Variants in DPY30 observed in about 807,000 individuals in gnomAD.
DPY30 encodes the protein dpy-30 histone methyltransferase complex regulatory subunit.
A neutral mutation model predicts 16.2 loss-of-function variants in DPY30; 6 were observed. The ratio of observed to expected loss-of-function variants is 0.37; its 90% CI spans 0.20 to 0.73. The LOEUF (loss-of-function observed/expected upper bound fraction) is 0.73, where lower values mean the gene tolerates loss of function less well. Ranked by LOEUF, DPY30 falls within the 30% of genes least tolerant of loss-of-function variation. DPY30 has a pLI of 0.51. For missense variants in DPY30, 73 were observed against 113.1 expected (o/e 0.65, Z 1.61); for synonymous variants, 39 against 38.8 (o/e 1.00, Z -0.02).
At chr2:32,029,254 G>C (rs1051503673) in intron 4 of DPY30, among the ~76,000 whole-genome samples, 2 of 152,126 alleles carry the variant, frequency 1.3e-5, no homozygotes, top group Admixed American at 6.6e-5. Context: ...CTGGGCAACA[G>C]AGCTAGATTC....
At chr2:32,012,875 C>G (rs1674993405) in intron 5 of DPY30, among the ~76,000 whole-genome samples, 1 of 152,084 alleles carries the variant, frequency 6.6e-6, no homozygotes, top group Admixed American at 6.5e-5. Context: ...GGAAACTGCC[C>G]TAAGTGTTTA....
At chr2:32,014,705 G>A (rs1045621712) in intron 5 of DPY30, among the ~76,000 whole-genome samples, 2 of 151,634 alleles carry the variant, frequency 1.3e-5, no homozygotes, top group African/African-American at 2.4e-5. Flanking sequence ...GGATGGTTTC[G>A]ATCTCCTGAC....
At chr2:32,018,766 T>C (rs1675109721) in intron 5 of DPY30, among the ~76,000 whole-genome samples, 2 of 152,060 alleles carry the variant, frequency 1.3e-5, no homozygotes, top group Admixed American at 1.3e-4. Context: ...ATGCCTGTAA[T>C]CTCAGCACTT....
intron 4 of DPY30, among the ~76,000 whole-genome samples, chr2:32,026,429 A>G (rs2148658387): frequency 6.6e-6 from 1 of 152,098 alleles, no homozygotes; most frequent in South Asian, 2.1e-4. Context: ...AACAATAAAA[A>G]AAATTTTTTA....
chr2:32,038,135 C>CTTTTT (rs35016868), intron 3 of DPY30, among the ~76,000 whole-genome samples: 13 of 108,040 alleles, frequency 1.2e-4, no homozygotes, highest in South Asian at 3.3e-4. Context: ...CATTTTCTTT[C>CTTTTT]TTTTTTTTTT....
chr2:32,034,445 CTT>C lies in DPY30; in HGVS notation c.85-4711_85-4710del, dbSNP rs780594441. On this transcript the variant is annotated intron_variant, in intron 3 of 4. Coordinates refer to ENST00000342166, the MANE Select transcript of DPY30 (RefSeq NM_001321209.2). ...GAGAGAAAGGAGTAGGTGCCAGACT[CTT>C]TTTAACAATCAGATCTCACGGTAAC... 3.9e-5 allele frequency among the ~76,000 whole-genome samples: 6 copies of C among 152,052 alleles called. 1 individual carries two copies. The highest frequency in any genetic ancestry group is 7.2e-5 in the African/African-American group (3 of 41,414).
At chr2:32,016,943 C>T (rs1349793388) in intron 5 of DPY30, among the ~76,000 whole-genome samples, 1 of 152,014 alleles carries the variant, frequency 6.6e-6, no homozygotes, top group African/African-American at 2.4e-5. Flanking sequence ...AGTGCAATGG[C>T]GCGATCTCGG....
At chr2:32,017,668 A>AT (rs1190034246) in intron 5 of DPY30, among the ~76,000 whole-genome samples, 6 of 151,998 alleles carry the variant, frequency 3.9e-5, no homozygotes, top group Non-Finnish European at 8.8e-5. Flanking sequence ...CTCTTTCTAT[A>AT]TTTGTGTGTA....
At chr2:32,023,885 C>CA (rs1675240135), downstream of DPY30, 1 of 1,320,762 alleles carries the variant, frequency 7.6e-7, no homozygotes, top group African/African-American at 1.5e-5. Flanking sequence ...TCATACAGAA[C>CA]AAAAACTACT....
chr2:32,023,716 A>C (rs1174402369), downstream of DPY30: 1 of 1,303,958 alleles, frequency 7.7e-7, no homozygotes, highest in Non-Finnish European at 1.0e-6. Context: ...CCCAGATCCC[A>C]CCCTCAGAAA....
At chr2:32,037,481 T>C (rs563639519) in intron 3 of DPY30, among the ~76,000 whole-genome samples, 4 of 152,140 alleles carry the variant, frequency 2.6e-5, no homozygotes, top group African/African-American at 9.6e-5. Flanking sequence ...AATTTTTCTA[T>C]TTTTTTGTAG....
chr2:32,023,815 C>T, downstream of DPY30: 1 of 1,305,242 alleles, frequency 7.7e-7, no homozygotes, highest in Non-Finnish European at 1.0e-6. Flanking sequence ...AACTCTGCAG[C>T]ATTTGAAGAC....
At chr2:32,038,672 C>CG (rs796805115) in intron 3 of DPY30, among the ~76,000 whole-genome samples, 11 of 103,918 alleles carry the variant, frequency 1.1e-4, no homozygotes, top group African/African-American at 3.9e-4. Flanking sequence ...TTTTTTGAGA[C>CG]GGAGTCTCAC....
At chr2:32,024,837 TCTTC>T (rs1289661861) in intron 4 of DPY30, among the ~76,000 whole-genome samples, 1 of 148,598 alleles carries the variant, frequency 6.7e-6, no homozygotes, top group African/African-American at 2.5e-5. Flanking sequence ...CTTCTTTCTT[TCTTC>T]GAATAATTTA....
chr2:32,023,233 T>C (rs1050156367), downstream of DPY30, among the ~76,000 whole-genome samples: 33 of 152,180 alleles, frequency 2.2e-4, no homozygotes, highest in Admixed American at 1.9e-3. Context: ...ACTGCTCTAG[T>C]GAATGTTTTT....
chr2:32,029,543 A>C, intron 4 of DPY30, 51 bp downstream of exon 4: 3 of 1,595,478 alleles, frequency 1.9e-6, no homozygotes, highest in Non-Finnish European at 2.6e-6. Flanking sequence ...CAGATAGGGG[A>C]ATCTATTTTG....
chr2:32,029,478 C>A, intron 4 of DPY30, 116 bp downstream of exon 4: 2 of 1,267,038 alleles, frequency 1.6e-6, no homozygotes, highest in Non-Finnish European at 2.2e-6. Context: ...TTCTTAAAAA[C>A]TTTAACATCC....
chr2:32,021,776 A>C (rs561975058), downstream of DPY30, among the ~76,000 whole-genome samples: 4 of 151,728 alleles, frequency 2.6e-5, no homozygotes, highest in East Asian at 5.8e-4. Context: ...AATAATACTT[A>C]TATTATGTAC....
At chr2:32,034,334 T>C (rs986314748) in intron 3 of DPY30, among the ~76,000 whole-genome samples, 1 of 152,206 alleles carries the variant, frequency 6.6e-6, no homozygotes, top group Non-Finnish European at 1.5e-5. Context: ...CGCCAGCATC[T>C]GCTTCTTGTG....
Sources: gnomAD v4.1 joint callset for allele counts (sites outside exome capture counted in the v4.1 genomes callset) on GRCh38, gnomAD v4.1.1 for gene constraint, MANE v1.5 for transcripts, NCBI Gene and HGNC (gene_info 2026-07-23, HGNC 2026-07-21) for gene names.